Variants in ZNF362 observed in about 807,000 individuals in gnomAD.
The protein encoded by ZNF362 is zinc finger protein 362.
ZNF362 carries 11 observed loss-of-function variants against 42.9 expected under a neutral mutation model. The ratio of observed to expected loss-of-function variants is 0.26; its 90% CI spans 0.16 to 0.42. ZNF362 has a LOEUF of 0.42. Ranked by LOEUF, ZNF362 falls within the 20% of genes least tolerant of loss-of-function variation. ZNF362 has a pLI of 1.00. For synonymous variants in ZNF362, 255 were observed against 257.3 expected (o/e 0.99, Z 0.09); for missense variants, 362 against 576.2 (o/e 0.63, Z 3.81).
chr1:33,182,103 G>C, the ZNF362 span: 1 of 152,128 alleles, frequency 6.6e-6, no homozygotes, highest in Non-Finnish European at 1.5e-5. Flanking sequence ...CCGTGGGCGG[G>C]ACCCAAGCAA....
intron 1 of ZNF362, among the ~76,000 whole-genome samples, chr1:33,257,031 A>G (rs1488665237): frequency 6.6e-6 from 1 of 152,190 alleles, no homozygotes; most frequent in Non-Finnish European, 1.5e-5. Flanking sequence ...ACGGATTGCA[A>G]ACGGCGCGGT....
At chr1:33,151,494 A>G in the ZNF362 span, among the ~76,000 whole-genome samples, 2 of 152,244 alleles carry the variant, frequency 1.3e-5, no homozygotes, top group South Asian at 4.1e-4. Flanking sequence ...AACAACCTTC[A>G]GACCAGAAAG....
At chr1:33,161,041 G>A in the ZNF362 span, among the ~76,000 whole-genome samples, 6 of 152,262 alleles carry the variant, frequency 3.9e-5, no homozygotes, top group Non-Finnish European at 7.3e-5. This position sits in a 1 kb window ranked among gnomAD's most constrained non-coding sequence, Gnocchi z 4.3. Context: ...CTATGGCAAC[G>A]TCAGTTGCCT....
At chr1:33,153,617 G>A in the ZNF362 span, among the ~76,000 whole-genome samples, 2 of 152,170 alleles carry the variant, frequency 1.3e-5, no homozygotes, top group African/African-American at 2.4e-5. Flanking sequence ...CCTGCACTGG[G>A]GTGATGGCAA....
chr1:33,262,862 C>G (rs1645838556), intron 1 of ZNF362, among the ~76,000 whole-genome samples: 1 of 152,224 alleles, frequency 6.6e-6, no homozygotes, highest in African/African-American at 2.4e-5. Flanking sequence ...GCCAGGAGTT[C>G]AGGAAGCATG....
At chr1:33,248,729 A>G in the ZNF362 span, among the ~76,000 whole-genome samples, 2 of 152,140 alleles carry the variant, frequency 1.3e-5, no homozygotes, top group African/African-American at 4.8e-5. Context: ...CCCTGTGCCA[A>G]CCTCACGTTC....
chr1:33,196,095 A>G, the ZNF362 span: 4 of 152,166 alleles, frequency 2.6e-5, no homozygotes, highest in African/African-American at 4.8e-5. Flanking sequence ...AACCAAAGAC[A>G]CAGGCTGGGT....
chr1:33,289,833 C>T (rs1646063053), intron 6 of ZNF362, among the ~76,000 whole-genome samples: 1 of 152,154 alleles, frequency 6.6e-6, no homozygotes, highest in Non-Finnish European at 1.5e-5. Context: ...AAATAAGTAC[C>T]CATGCAGAGA....
chr1:33,188,893 G>C, the ZNF362 span, among the ~76,000 whole-genome samples: 106 of 152,290 alleles, frequency 7.0e-4, no homozygotes, highest in Non-Finnish European at 6.0e-4. Context: ...ATGAGACAGA[G>C]ACCCACATAT....
the ZNF362 span, among the ~76,000 whole-genome samples, chr1:33,240,890 C>G: frequency 6.6e-6 from 1 of 152,196 alleles, no homozygotes; most frequent in African/African-American, 2.4e-5. Flanking sequence ...GCTTTTCAAT[C>G]TCACTTTGCT....
At chr1:33,181,686 GC>G in the ZNF362 span, 1 of 564,240 alleles carries the variant, frequency 1.8e-6, no homozygotes, top group Non-Finnish European at 3.0e-6. This position sits in a 1 kb window ranked among gnomAD's most constrained non-coding sequence, Gnocchi z 6.5. Flanking sequence ...GGCGATGGGC[GC>G]TGGGAGGAGG....
chr1:33,180,642 C>T, the ZNF362 span, among the ~76,000 whole-genome samples: 1 of 152,208 alleles, frequency 6.6e-6, no homozygotes, highest in Admixed American at 6.5e-5. Context: ...GACAGTGGCC[C>T]TGCCTTTGCC....
chr1:33,250,873 AG>A, the ZNF362 span, among the ~76,000 whole-genome samples: 2 of 151,684 alleles, frequency 1.3e-5, no homozygotes, highest in East Asian at 3.9e-4. Flanking sequence ...AAGAAGAAGA[AG>A]AAGAAGAAGA....
the ZNF362 span, among the ~76,000 whole-genome samples, chr1:33,175,019 ATATGTATATGTT>A: frequency 9.7e-4 from 145 of 150,070 alleles, 1 homozygote; most frequent in African/African-American, 3.0e-3. Context: ...ATGTATATGT[ATATGTATATGTT>A]TATGTATATG....
intron 1 of ZNF362, 50 bp downstream of exon 1, chr1:33,256,704 G>C (rs1479643402): frequency 6.9e-6 from 1 of 145,700 alleles, no homozygotes; most frequent in Non-Finnish European, 1.5e-5. Context: ...GGCGGCGGGC[G>C]CCTGCCCGCG....
the ZNF362 span, among the ~76,000 whole-genome samples, chr1:33,133,369 T>C: frequency 4.6e-5 from 7 of 152,224 alleles, no homozygotes; most frequent in South Asian, 8.3e-4. Context: ...ACAGATCTGA[T>C]AGGGCCTTTC....
In ZNF362 at chr1:33,256,812, C is replaced by A. The variant is rs774673406; in HGVS notation, c.-89+158C>A. Among the ~76,000 whole-genome samples the A allele has an allele frequency of 4.3e-3, 596 of 137,732 alleles. 2 individuals carry two copies. Among genetic ancestry groups the A allele is most frequent in the Non-Finnish European group, 6.6e-3 (411 of 62,526 alleles). The allele number at this position is 137,732 out of a possible 152,430, so 90.4% of individuals were successfully genotyped here. A position where few individuals can be genotyped will look rare whatever the true frequency, so the allele number is the denominator to read the frequency against. On this transcript the variant is annotated intron_variant, in intron 1 of 8. Transcript: ENST00000539719. Reference sequence around the variant, plus strand: ...CGAGGGCCCGGGGCCGCCTGCGCCTCGGGCCCGGCCCAGAGCGGCGGCGGC... The same window carrying A: ...CGAGGGCCCGGGGCCGCCTGCGCCTAGGGCCCGGCCCAGAGCGGCGGCGGC...
chr1:33,189,871 G>A, the ZNF362 span, among the ~76,000 whole-genome samples: 1 of 151,402 alleles, frequency 6.6e-6, no homozygotes, highest in Non-Finnish European at 1.5e-5. Flanking sequence ...CAGGGATGGG[G>A]AAAATAGTCA....
chr1:33,240,463 A>G, the ZNF362 span, among the ~76,000 whole-genome samples: 2 of 152,232 alleles, frequency 1.3e-5, no homozygotes, highest in African/African-American at 2.4e-5. Context: ...TATTCAGTAT[A>G]CATATACATA....
Sources: gnomAD v4.1 joint callset for allele counts (sites outside exome capture counted in the v4.1 genomes callset) on GRCh38, gnomAD v4.1.1 for gene constraint, Gnocchi (gnomAD v3.1) non-coding constraint, MANE v1.5 for transcripts, NCBI Gene and HGNC (gene_info 2026-07-23, HGNC 2026-07-21) for gene names.